CACNA1E: variants seen among roughly 807,000 people sequenced by gnomAD.
The protein encoded by CACNA1E is voltage-dependent R-type calcium channel subunit alpha-1E.
A neutral mutation model predicts 259.2 loss-of-function variants in CACNA1E; 40 were observed. That is an observed-to-expected ratio of 0.15 (90% confidence interval 0.12 to 0.20). CACNA1E has a LOEUF of 0.20. Ranked by LOEUF, CACNA1E falls within the 10% of genes least tolerant of loss-of-function variation. The pLI, the probability that CACNA1E is intolerant of heterozygous loss-of-function variation, is 1.00. For synonymous variants in CACNA1E, 1,104 were observed against 1,138.5 expected, an observed-to-expected ratio of 0.97 and a Z score of 0.61; for missense variants, 1,874 against 3,040.1, an observed-to-expected ratio of 0.62 and a Z score of 9.02.
chr1:181,727,476 G>C (rs939706143), intron 18 of CACNA1E, among the ~76,000 whole-genome samples: 1 of 152,364 alleles, frequency 6.6e-6, no homozygotes, highest in East Asian at 1.9e-4. Flanking sequence ...AGCCATTTTC[G>C]TGGCCAGGTT....
intron 3 of CACNA1E, among the ~76,000 whole-genome samples, chr1:181,569,278 C>A (rs1439354935): frequency 6.6e-6 from 1 of 152,166 alleles, no homozygotes; most frequent in African/African-American, 2.4e-5. Flanking sequence ...TAGAGTAAGT[C>A]TTGGGCTCTG....
intron 2 of CACNA1E, among the ~76,000 whole-genome samples, chr1:181,458,815 A>G (rs532753153): frequency 9.4e-4 from 139 of 147,990 alleles, no homozygotes; most frequent in African/African-American, 3.5e-3. Context: ...ATTTTAAATC[A>G]TTTATTTACC....
intron 1 of CACNA1E, among the ~76,000 whole-genome samples, chr1:181,381,334 A>G (rs1279720536): frequency 6.6e-6 from 1 of 152,246 alleles, no homozygotes; most frequent in Non-Finnish European, 1.5e-5. Flanking sequence ...GGGATGAACT[A>G]TTGATATGAG....
In CACNA1E at chr1:181,776,071, C is replaced by T; in HGVS notation, c.5140-30C>T. On this transcript the variant is annotated intron_variant, in intron 37 of 47. Transcript: ENST00000367573. This position sits in a 1 kb window ranked among gnomAD's most constrained non-coding sequence, Gnocchi z 4.4. ...TCCTGAGCTCTGCTTTAGGTTTCCC[C>T]TAACCCCTCTTCTTCCCCTTGCCCT... The T allele has an allele frequency of 6.9e-6, 11 of 1,602,318 alleles. No individual in the cohort carries two copies. The highest frequency in any genetic ancestry group is 9.4e-6 in the Non-Finnish European group (11 of 1,173,338).
At chr1:181,668,114 A>G (rs1440127483) in intron 7 of CACNA1E, among the ~76,000 whole-genome samples, 1 of 152,220 alleles carries the variant, frequency 6.6e-6, no homozygotes. Flanking sequence ...ATCAAGATAC[A>G]GAACTGTCCT....
chr1:181,455,510 TA>T (rs1661406523), intron 2 of CACNA1E, among the ~76,000 whole-genome samples: 2 of 152,194 alleles, frequency 1.3e-5, no homozygotes, highest in Admixed American at 1.3e-4. Context: ...GCTGTGCTCG[TA>T]AAAAATTCAC....
chr1:181,500,891 C>T (rs1343630207), intron 1 of CACNA1E, among the ~76,000 whole-genome samples: 1 of 152,152 alleles, frequency 6.6e-6, no homozygotes, highest in Non-Finnish European at 1.5e-5. Flanking sequence ...CTTATGCTGT[C>T]TCAGTTCCAT....
At chr1:181,662,230 A>G (rs1647759458) in intron 7 of CACNA1E, among the ~76,000 whole-genome samples, 1 of 152,218 alleles carries the variant, frequency 6.6e-6, no homozygotes, top group Non-Finnish European at 1.5e-5. Flanking sequence ...TTAGGGTGAG[A>G]TAAAAATTAT....
chr1:181,718,201 T>C (rs1234764064), intron 12 of CACNA1E, 34 bp downstream of exon 12: 1 of 1,082,052 alleles, frequency 9.2e-7, no homozygotes, highest in African/African-American at 1.5e-5. Flanking sequence ...TGCTCCTGCT[T>C]CGTGTTGATA....
At chr1:181,592,594 A>G (rs1268398991) in intron 6 of CACNA1E, among the ~76,000 whole-genome samples, 1 of 152,120 alleles carries the variant, frequency 6.6e-6, no homozygotes. Context: ...TTTCTGTGAC[A>G]CAGCTGGCCT....
chr1:181,580,668 C>T lies in CACNA1E; in HGVS notation c.843C>T (p.Asp281=). 6.2e-7 allele frequency: 1 copy of T among 1,614,052 alleles called. No homozygotes were observed. Among genetic ancestry groups the T allele is most frequent in the Non-Finnish European group, 8.5e-7 (1 of 1,179,880 alleles). Residue 281 remains aspartate (D), a synonymous_variant, in exon 6 of 48, where the codon GAC becomes GAT. Coordinates refer to ENST00000367573, the MANE Select transcript of CACNA1E (RefSeq NM_001205293.3). ...GCCCAGCTGGTTATGAATGCAAGGA[C>T]TGGATCGGCCCCAATGATGGGATCA... ...QGCPAGYECK[D]WIGPNDGITQ...
intron 2 of CACNA1E, among the ~76,000 whole-genome samples, chr1:181,468,155 A>C (rs985714782): frequency 2.6e-5 from 4 of 152,346 alleles, no homozygotes; most frequent in East Asian, 3.9e-4. Flanking sequence ...CTCTAGATAC[A>C]TGGAGGAAAT....
At chr1:181,445,530 C>T (rs1660739869) in intron 2 of CACNA1E, among the ~76,000 whole-genome samples, 1 of 152,180 alleles carries the variant, frequency 6.6e-6, no homozygotes, top group East Asian at 1.9e-4. Context: ...GTGTAGCTGG[C>T]TCATTGGTAG....
upstream of CACNA1E, among the ~76,000 whole-genome samples, chr1:181,479,319 G>A (rs1397822259): frequency 6.6e-5 from 10 of 152,162 alleles, no homozygotes; most frequent in East Asian, 1.9e-4. Flanking sequence ...CCAAGCACTC[G>A]TGCTCAGTGA....
chr1:181,794,119 T>G (rs1317735025), intron 45 of CACNA1E, among the ~76,000 whole-genome samples: 1 of 152,206 alleles, frequency 6.6e-6, no homozygotes, highest in African/African-American at 2.4e-5. Flanking sequence ...TCCTGACTCC[T>G]CCAGCACATA....
At chr1:181,640,008 G>A (rs952595442) in intron 6 of CACNA1E, among the ~76,000 whole-genome samples, 4 of 152,156 alleles carry the variant, frequency 2.6e-5, no homozygotes, top group Non-Finnish European at 5.9e-5. Flanking sequence ...TCTGATACAG[G>A]CACCTACTCA....
chr1:181,593,628 G>A (rs184239104), intron 6 of CACNA1E, among the ~76,000 whole-genome samples: 132 of 151,958 alleles, frequency 8.7e-4, no homozygotes, highest in Admixed American at 1.8e-3. Flanking sequence ...AACCTCCTCC[G>A]CTCGGGTTCA....
At chr1:181,413,755 G>T (rs1658055315) in intron 2 of CACNA1E, among the ~76,000 whole-genome samples, 1 of 152,226 alleles carries the variant, frequency 6.6e-6, no homozygotes, top group African/African-American at 2.4e-5. Context: ...GTCAGTCCCT[G>T]ATCTCACCAC....
intron 1 of CACNA1E, among the ~76,000 whole-genome samples, chr1:181,342,880 T>C (rs1439963939): frequency 6.6e-6 from 1 of 152,288 alleles, no homozygotes; most frequent in African/African-American, 2.4e-5. Context: ...TTTGTACACT[T>C]TCCTGCTTAT....
Sources: allele counts gnomAD v4.1 joint callset (sites outside exome capture counted in the v4.1 genomes callset), GRCh38; gene constraint gnomAD v4.1.1; non-coding constraint Gnocchi (gnomAD v3.1); transcripts MANE v1.5; gene names NCBI Gene and HGNC (gene_info 2026-07-23, HGNC 2026-07-21).